FAM3B: variants seen among roughly 807,000 people sequenced by gnomAD.
The protein encoded by FAM3B is FAM3 metabolism regulating signaling molecule B.
In FAM3B, 29 loss-of-function variants were observed where a neutral mutation model predicts 28.4. The observed-to-expected ratio is 1.02, with a 90% CI of 0.76 to 1.39. FAM3B has a LOEUF of 1.39. Ranked by LOEUF, FAM3B falls within the 40% of genes most tolerant of loss-of-function variation. The pLI, the probability that FAM3B is intolerant of heterozygous loss-of-function variation, is 0.00. For missense variants in FAM3B, 266 were observed against 293.9 expected, an observed-to-expected ratio of 0.91 and a Z score of 0.69; for synonymous variants, 91 against 103.0, an observed-to-expected ratio of 0.88 and a Z score of 0.71.
intron 1 of FAM3B, among the ~76,000 whole-genome samples, chr21:41,306,095 C>A (rs2088681443): frequency 6.6e-6 from 1 of 152,204 alleles, no homozygotes; most frequent in African/African-American, 2.4e-5. Context: ...AGAAACCACC[C>A]ATTTCACTCA....
chr21:41,338,655 G>A (rs1048117068), intron 3 of FAM3B, among the ~76,000 whole-genome samples, 154 bp downstream of exon 3: 2 of 152,208 alleles, frequency 1.3e-5, no homozygotes, highest in Non-Finnish European at 2.9e-5. Flanking sequence ...AAATGAGAAA[G>A]CTCCGCTGTA....
chr21:41,340,858 TTTAA>T (rs1183216509), intron 3 of FAM3B, among the ~76,000 whole-genome samples: 5 of 152,134 alleles, frequency 3.3e-5, no homozygotes, highest in Non-Finnish European at 7.4e-5. Flanking sequence ...CCATTAATTT[TTTAA>T]TTAGTTTTTG....
Position 41,345,537 on chromosome 21 carries a change from C to T in FAM3B, c.347-149C>T, listed in dbSNP as rs190765761. 324 of 545,038 alleles carry T rather than the reference C, an allele frequency of 5.9e-4. 1 individual carries two copies. Among genetic ancestry groups the T allele is most frequent in the Admixed American group, 1.5e-3 (38 of 25,304 alleles). 33.8% of individuals were successfully genotyped at this position (545,038 alleles called of 1,614,324 possible). A position where few individuals can be genotyped will look rare whatever the true frequency, so the allele number is the denominator to read the frequency against. On this transcript the variant is annotated intron_variant, in intron 4 of 7. Coordinates refer to ENST00000357985, the MANE Select transcript of FAM3B (RefSeq NM_058186.4). ...TTTTGGGGACTCTCCTCAAGGGGCC[C>T]GCCCTGTCTCTGCAGGCTGGGTCAT...
At chr21:41,312,705 C>T (rs1219730960), upstream of FAM3B, among the ~76,000 whole-genome samples, 1 of 137,666 alleles carries the variant, frequency 7.3e-6, no homozygotes, top group African/African-American at 2.7e-5. Context: ...CATTCTGGGT[C>T]TCACTGTGTG....
Position 41,338,498 on chromosome 21 carries a change from A to G in FAM3B, c.284A>G (p.Asn95Ser). 6.2e-7 allele frequency: 1 copy of G among 1,614,092 alleles called. No individual in the cohort carries two copies. The highest frequency in any genetic ancestry group is 8.5e-7 in the Non-Finnish European group (1 of 1,179,988). The part of the protein sequence containing the change: ...SKYAKICFED[N>S]LLMGEQLGNV... ...TACGCCAAAATCTGCTTTGAGGATA[A>G]CCTGTAAGTACCAGCGTTTAGAAGG... The change falls in exon 3 of 8, where the codon AAC becomes AGC. Residue 95 changes from asparagine to serine, a missense_variant. Asn to Ser is a conservative substitution (Grantham distance 46). Coordinates refer to ENST00000357985, the MANE Select transcript of FAM3B (RefSeq NM_058186.4).
intron 3 of FAM3B, among the ~76,000 whole-genome samples, chr21:41,341,165 A>G (rs1430192639): frequency 6.6e-6 from 1 of 152,234 alleles, no homozygotes; most frequent in East Asian, 1.9e-4. Flanking sequence ...ACTCCATATC[A>G]GTACATCAGG....
rs148052444 is a variant in FAM3B at position 41,356,974 on chromosome 21, G to A, written c.619-134G>A. The A allele has an allele frequency of 6.6e-4, 264 of 397,778 alleles. 1 individual carries two copies. The highest frequency in any genetic ancestry group is 4.9e-3 in the African/African-American group (230 of 47,330). 24.6% of individuals were successfully genotyped at this position (397,778 alleles called of 1,614,324 possible). ...AAAAATTATTATTAAGAAATGTATT[G>A]GAAATCAAACACCCAGCTTTGGTTG... On this transcript the variant is annotated intron_variant, in intron 7 of 7. Coordinates refer to ENST00000357985, the MANE Select transcript of FAM3B (RefSeq NM_058186.4).
chr21:41,355,196 A>G (rs1157589992), intron 7 of FAM3B, among the ~76,000 whole-genome samples: 1 of 152,208 alleles, frequency 6.6e-6, no homozygotes, highest in African/African-American at 2.4e-5. Flanking sequence ...AATATGGAGA[A>G]ATTAGAACCC....
Position 41,330,706 on chromosome 21 carries a change from G to C in FAM3B, c.163+7640G>C, listed in dbSNP as rs1601358324. Among the ~76,000 whole-genome samples the C allele has an allele frequency of 2.0e-5, 3 of 152,290 alleles. 1 individual carries two copies. In the South Asian group the frequency reaches 6.2e-4, roughly 32 times the overall value. On this transcript the variant is annotated intron_variant, in intron 2 of 7. Transcript: ENST00000357985. The stretch of plus-strand genomic sequence containing the variant: ...AACACGTGGTAGTTGTCTTTCTGTG[G>C]GTGCGTTATTTCTGTTAGCATACTG...
intron 6 of FAM3B, among the ~76,000 whole-genome samples, chr21:41,347,934 C>T (rs898271711): frequency 6.6e-6 from 1 of 152,090 alleles, no homozygotes; most frequent in Admixed American, 6.6e-5. Context: ...GTGAATTTCC[C>T]AGACAGGGCT....
intron 1 of FAM3B, chr21:41,322,542 T>G: frequency 1.4e-6 from 1 of 712,232 alleles, no homozygotes; most frequent in Non-Finnish European, 2.6e-6. Context: ...CGTGCTCAAA[T>G]CCAGTTGTGT....
chr21:41,348,666 G>T lies in FAM3B; in HGVS notation c.560G>T (p.Ser187Ile), dbSNP rs2145830511. 6.2e-7 allele frequency: 1 copy of T among 1,614,210 alleles called. No individual in the cohort carries two copies. The highest frequency in any genetic ancestry group is 8.5e-7 in the Non-Finnish European group (1 of 1,180,034). The change falls in exon 7 of 8, where the codon AGC (serine) becomes ATC (isoleucine). Residue 187 changes from serine (S) to isoleucine (I), a missense_variant. Transcript: ENST00000357985. ...ATCAGGAACATGAAATTCAGGTCTA[G>T]CTGGGTATTTATTGCAGCAAAAGGC... The part of the protein sequence containing the change: ...KEIRNMKFRS[S>I]WVFIAAKGLE...
At chr21:41,350,715 C>T (rs534099966) in intron 7 of FAM3B, among the ~76,000 whole-genome samples, 71 of 152,352 alleles carry the variant, frequency 4.7e-4, no homozygotes, top group Middle Eastern at 6.8e-3. Context: ...AGGGAGCCTC[C>T]TTGCGTGGAT....
intron 2 of FAM3B, among the ~76,000 whole-genome samples, chr21:41,335,560 T>G (rs928575059): frequency 3.3e-5 from 5 of 152,176 alleles, no homozygotes; most frequent in African/African-American, 1.2e-4. Flanking sequence ...TCCACCATGA[T>G]TGTAAGTTTC....
At chr21:41,309,815 A>G (rs538575497) in intron 1 of FAM3B, among the ~76,000 whole-genome samples, 8 of 152,294 alleles carry the variant, frequency 5.3e-5, no homozygotes, top group South Asian at 4.2e-4. Flanking sequence ...GCCAGATACC[A>G]TCACGCTTGG....
At chr21:41,332,252 G>A (rs1329525826) in intron 2 of FAM3B, among the ~76,000 whole-genome samples, 3 of 152,206 alleles carry the variant, frequency 2.0e-5, no homozygotes, top group Admixed American at 6.5e-5. Context: ...CTCCCTAGAA[G>A]TTAAGCAGAT....
Position 41,344,521 on chromosome 21 carries a change from T to C in FAM3B, c.333T>C (p.Ile111=). 6.2e-7 allele frequency: 1 copy of C among 1,613,986 alleles called. No homozygotes were observed. Among genetic ancestry groups the C allele is most frequent in the African/African-American group, 1.3e-5 (1 of 75,062 alleles). The change falls in exon 4 of 8, where the codon ATT becomes ATC. Residue 111 remains isoleucine, a synonymous_variant. Coordinates refer to ENST00000357985, the MANE Select transcript of FAM3B (RefSeq NM_058186.4). ...GAAATGTTGCCAGAGGAATAAACAT[T>C]GCCATTGTCAACTGTAAGTTACTAA... ...QLGNVARGIN[I]AIVNYVTGNV... is the part of the protein sequence containing the mutation.
At position 41,329,715 on chromosome 21, in the gene FAM3B, G is replaced by T. The variant is rs187340087; in HGVS notation, c.163+6649G>T. Among the ~76,000 whole-genome samples the T allele has an allele frequency of 3.0e-3, 462 of 152,048 alleles. 1 individual carries two copies. The highest frequency in any genetic ancestry group is 5.3e-3 in the Non-Finnish European group (363 of 67,986). On this transcript the variant is annotated intron_variant, in intron 2 of 7. Coordinates refer to ENST00000357985, the MANE Select transcript of FAM3B (RefSeq NM_058186.4). Reference sequence around the variant, plus strand: ...CTCCCAAGTAGCTGGGATTACAGGTGCTCACCACCTCACCTGGCTAATTTT... The same window carrying T: ...CTCCCAAGTAGCTGGGATTACAGGTTCTCACCACCTCACCTGGCTAATTTT...
In FAM3B at chr21:41,316,935, G is replaced by A. The variant is rs755756161; in HGVS notation, c.19+37G>A. On this transcript the variant is annotated intron_variant, in intron 1 of 7. Coordinates refer to ENST00000357985, the MANE Select transcript of FAM3B (RefSeq NM_058186.4). ...CCCGCCTCGGGGCGAGGGTAGGGGC[G>A]GGGAAGGAGGACCCCAGGGGAAGCG... 458 of 1,313,526 alleles carry A rather than the reference G, an allele frequency of 3.5e-4. 2 individuals are homozygous for A. The highest frequency in any genetic ancestry group is 4.2e-4 in the Non-Finnish European group (437 of 1,029,142). The allele number at this position is 1,313,526 out of a possible 1,614,324, so 81.4% of individuals were successfully genotyped here. A position where few individuals can be genotyped will look rare whatever the true frequency, so the allele number is the denominator to read the frequency against.
Sources: allele counts gnomAD v4.1 joint callset (sites outside exome capture counted in the v4.1 genomes callset), GRCh38; gene constraint gnomAD v4.1.1; transcripts MANE v1.5; gene names NCBI Gene and HGNC (gene_info 2026-07-23, HGNC 2026-07-21).